FRMD4A: variants seen among roughly 807,000 people sequenced by gnomAD.
FRMD4A encodes the protein FERM domain containing 4A.
FRMD4A carries 29 observed loss-of-function variants against 129.1 expected under a neutral mutation model. The ratio of observed to expected loss-of-function variants is 0.22; its 90% CI spans 0.17 to 0.31. The LOEUF (loss-of-function observed/expected upper bound fraction) is 0.31, where lower values mean the gene tolerates loss of function less well. Ranked by LOEUF, FRMD4A falls within the 10% of genes least tolerant of loss-of-function variation. FRMD4A has a pLI of 1.00. For missense variants in FRMD4A, 1,272 were observed against 1,375.8 expected (o/e 0.92, Z 1.19); for synonymous variants, 634 against 571.6 (o/e 1.11, Z -1.56).
At chr10:13,788,507 T>C (rs141036239) in intron 5 of FRMD4A, among the ~76,000 whole-genome samples, 114 of 152,370 alleles carry the variant, frequency 7.5e-4, no homozygotes, top group Non-Finnish European at 1.3e-3. Context: ...ATCTTTTCAA[T>C]GTCTGTCCTC....
At chr10:13,660,603 A>G (rs2082563650) in intron 19 of FRMD4A, 50 bp from the exon 20 acceptor site, 3 of 1,180,806 alleles carry the variant, frequency 2.5e-6, no homozygotes, top group Non-Finnish European at 3.7e-6. Flanking sequence ...TCCTTCCCAC[A>G]GGCTGAGACA....
At chr10:14,028,157 A>G (rs1253436460) in intron 2 of FRMD4A, among the ~76,000 whole-genome samples, 1 of 152,196 alleles carries the variant, frequency 6.6e-6, no homozygotes, top group Non-Finnish European at 1.5e-5. Context: ...TTATGGGGAC[A>G]TTTTATTAAT....
chr10:13,934,914 T>C (rs1443126314), intron 2 of FRMD4A, among the ~76,000 whole-genome samples: 1 of 152,126 alleles, frequency 6.6e-6, no homozygotes, highest in Non-Finnish European at 1.5e-5. Context: ...AAGATCAAGG[T>C]GCTGGTAGCT....
chr10:14,257,094 C>T (rs917814740), intron 2 of FRMD4A, among the ~76,000 whole-genome samples: 15 of 151,946 alleles, frequency 9.9e-5, no homozygotes, highest in Admixed American at 3.9e-4. Flanking sequence ...TTTGGGAGGC[C>T]AAGGATGGGA....
chr10:14,207,702 A>AC (rs1842825496), intron 2 of FRMD4A, among the ~76,000 whole-genome samples: 1 of 151,962 alleles, frequency 6.6e-6, no homozygotes, highest in South Asian at 2.1e-4. Context: ...ACACACACAC[A>AC]CACACACACA....
chr10:13,999,211 C>T (rs910310324), intron 2 of FRMD4A, among the ~76,000 whole-genome samples: 69 of 152,172 alleles, frequency 4.5e-4, no homozygotes, highest in African/African-American at 1.6e-3. Context: ...CTGCACGCTC[C>T]GTCTCCCCCT....
chr10:14,289,911 T>C (rs1044415478), intron 2 of FRMD4A, among the ~76,000 whole-genome samples: 72 of 152,006 alleles, frequency 4.7e-4, no homozygotes, highest in Non-Finnish European at 6.3e-4. Context: ...ATGCATAAAG[T>C]TGCAAGACAC....
intron 2 of FRMD4A, among the ~76,000 whole-genome samples, chr10:14,235,806 A>G (rs533596522): frequency 2.6e-4 from 40 of 152,350 alleles, no homozygotes; most frequent in Non-Finnish European, 4.4e-4. Context: ...AGGAAAGAAC[A>G]TAATTAGGCT....
In FRMD4A at chr10:14,177,753, C is replaced by T. The variant is rs557587312; in HGVS notation, c.45+152305G>A. 3.3e-5 allele frequency among the ~76,000 whole-genome samples: 5 copies of T among 152,202 alleles called. No individual in the cohort carries two copies. The East Asian group carries it at 9.6e-4, about 29-fold the overall frequency. ...TTCCTGAGTCAAAGGAAAGGACTTTCGGAAGGAATTTGGAATATTCTGTAT... is the reference window on the plus strand; with the variant it reads ...TTCCTGAGTCAAAGGAAAGGACTTTTGGAAGGAATTTGGAATATTCTGTAT... On this transcript the variant is annotated intron_variant, in intron 2 of 24. Transcript: ENST00000357447.
intron 2 of FRMD4A, among the ~76,000 whole-genome samples, chr10:13,966,105 G>C (rs543632971): frequency 6.6e-6 from 1 of 151,810 alleles, no homozygotes; most frequent in African/African-American, 2.4e-5. Flanking sequence ...TCGAACTCCC[G>C]ACCTCCCGGG....
At chr10:13,877,949 G>A (rs1467662983) in intron 2 of FRMD4A, among the ~76,000 whole-genome samples, 1 of 152,112 alleles carries the variant, frequency 6.6e-6, no homozygotes, top group Non-Finnish European at 1.5e-5. Flanking sequence ...AAGAGCGAGG[G>A]AGAGGACTCC....
At chr10:13,797,391 G>A (rs1262965721) in intron 4 of FRMD4A, among the ~76,000 whole-genome samples, 1 of 152,182 alleles carries the variant, frequency 6.6e-6, no homozygotes, top group Non-Finnish European at 1.5e-5. Context: ...CCAGCACTTT[G>A]GAAGGCTGAG....
At chr10:14,066,008 TTGTGTG>T (rs61167438) in intron 2 of FRMD4A, among the ~76,000 whole-genome samples, 37 of 139,222 alleles carry the variant, frequency 2.7e-4, no homozygotes, top group African/African-American at 4.0e-4. Context: ...GGGTATGTAT[TTGTGTG>T]TGTGTGTGTG....
intron 2 of FRMD4A, among the ~76,000 whole-genome samples, chr10:14,034,339 C>T (rs1175272744): frequency 1.3e-5 from 2 of 152,150 alleles, no homozygotes; most frequent in Non-Finnish European, 2.9e-5. Context: ...GATGAGAATC[C>T]AGAGACGCAC....
intron 2 of FRMD4A, among the ~76,000 whole-genome samples, chr10:13,973,266 A>G (rs1234049854): frequency 2.6e-5 from 4 of 152,160 alleles, no homozygotes; most frequent in Non-Finnish European, 5.9e-5. Flanking sequence ...TTAGGATAAA[A>G]ATTTGTGGTT....
intron 2 of FRMD4A, among the ~76,000 whole-genome samples, chr10:14,109,741 G>A (rs1588994173): frequency 6.6e-6 from 1 of 152,264 alleles, no homozygotes; most frequent in South Asian, 2.1e-4. Context: ...GGAGGCTGAG[G>A]TGGGCAGATC....
rs1283046468 is a variant in FRMD4A at position 14,132,267 on chromosome 10, GAC to G, written c.45+197789_45+197790del. ...CATGCCTCAGTACTCCAGCCTGGGT[GAC>G]AGAGCTAGACTACTTCTCAAAAAAC... On this transcript the variant is annotated intron_variant, in intron 2 of 24. Coordinates refer to ENST00000357447, the MANE Select transcript of FRMD4A (RefSeq NM_018027.5). Among the ~76,000 whole-genome samples, 7 of 152,146 alleles carry G rather than the reference GAC, an allele frequency of 4.6e-5. No individual in the cohort carries two copies. In the East Asian group the frequency reaches 1.3e-3, roughly 29 times the overall value.
chr10:13,871,691 C>T lies in FRMD4A; in HGVS notation c.46-12779G>A, dbSNP rs560151915. On this transcript the variant is annotated intron_variant, in intron 2 of 24. Transcript: ENST00000357447. ...CAGACCTGGCCTGCAGAGAAGGGCA[C>T]GGGGGACAGCCAGGGGGCTCTAAAC... is the stretch of plus-strand genomic sequence containing the variant. Among the ~76,000 whole-genome samples the T allele has an allele frequency of 2.6e-4, 39 of 152,318 alleles. No homozygotes were observed. The East Asian group carries it at 5.6e-3, about 22-fold the overall frequency.
intron 2 of FRMD4A, among the ~76,000 whole-genome samples, chr10:13,962,839 A>T (rs1235729590): frequency 6.6e-6 from 1 of 152,236 alleles, no homozygotes; most frequent in Non-Finnish European, 1.5e-5. Context: ...CTGGCAGCTA[A>T]TTGTAAACCT....
Sources: allele counts gnomAD v4.1 joint callset (sites outside exome capture counted in the v4.1 genomes callset), GRCh38; gene constraint gnomAD v4.1.1; transcripts MANE v1.5; gene names NCBI Gene and HGNC (gene_info 2026-07-23, HGNC 2026-07-21).